The following ACSF3 variants were observed in gnomAD, a reference collection of about 807,000 sequenced individuals.
ACSF3 encodes the protein acyl-CoA synthetase family member 3.
Under a neutral mutation model 53.2 loss-of-function variants are expected in ACSF3, and 78 were observed. The observed-to-expected ratio is 1.47, with a 90% CI of 1.22 to 1.77. The LOEUF (loss-of-function observed/expected upper bound fraction) is 1.77, where lower values mean the gene tolerates loss of function less well. ACSF3 is among the 40% of genes most tolerant of loss of function. ACSF3 has a pLI of 0.00. For missense variants in ACSF3, 937 were observed against 771.1 expected (o/e 1.22, Z -2.55); for synonymous variants, 414 against 333.1 (o/e 1.24, Z -2.65).
intron 5 of ACSF3, 45 bp downstream of exon 5, chr16:89,112,291 T>G: frequency 6.2e-7 from 1 of 1,606,530 alleles, no homozygotes; most frequent in Non-Finnish European, 8.5e-7. Flanking sequence ...GTCTTAAAGA[T>G]CAACAGATAC....
intron 4 of ACSF3, among the ~76,000 whole-genome samples, chr16:89,111,883 T>C (rs1284544181): frequency 6.6e-6 from 1 of 152,222 alleles, no homozygotes; most frequent in Non-Finnish European, 1.5e-5. Context: ...TGTTCACGAT[T>C]GCTCTTCCCC....
intron 3 of ACSF3, chr16:89,102,328 G>A (rs1975441398): frequency 8.0e-6 from 4 of 497,670 alleles, no homozygotes; most frequent in South Asian, 4.0e-5. Context: ...CCTGGTGTCT[G>A]CAGAGCCACT....
chr16:89,119,104 G>T (rs927826329), intron 6 of ACSF3, among the ~76,000 whole-genome samples: 1 of 152,104 alleles, frequency 6.6e-6, no homozygotes, highest in Non-Finnish European at 1.5e-5. Flanking sequence ...AAGCTCTCAC[G>T]GGCGGCACCT....
chr16:89,093,895 G>T lies in ACSF3; in HGVS notation c.-295G>T, dbSNP rs774510978. ...TCCGGCCCGACTCACGACCCCGCGG[G>T]ACCCGGCCGGAACCCGGCCCGACCC... On this transcript the variant is annotated 5_prime_UTR_variant, in exon 1 of 11. Transcript: ENST00000614302. 6.1e-6 allele frequency: 2 copies of T among 325,208 alleles called. No homozygotes were observed. The highest frequency in any genetic ancestry group is 2.1e-5 in the South Asian group (1 of 47,112). The allele number at this position is 325,208 out of a possible 1,614,324, so 20.1% of individuals were successfully genotyped here.
intron 10 of ACSF3, chr16:89,153,845 C>A (rs999398531): frequency 1.8e-5 from 10 of 559,852 alleles, no homozygotes; most frequent in Non-Finnish European, 3.2e-5. Context: ...AAGGCCTGCA[C>A]GCACCATGGC....
chr16:89,121,088 G>A (rs1415013771), intron 7 of ACSF3, among the ~76,000 whole-genome samples, 175 bp downstream of exon 7: 2 of 152,232 alleles, frequency 1.3e-5, no homozygotes, highest in African/African-American at 4.8e-5. Context: ...GGTGTTCTGG[G>A]CCCTGCCTGC....
intron 8 of ACSF3, among the ~76,000 whole-genome samples, chr16:89,142,630 TACACCTGCAGGCACACCC>T (rs1170461689): frequency 2.5e-5 from 2 of 80,062 alleles, no homozygotes; most frequent in African/African-American, 1.0e-4. Flanking sequence ...TGCAGACACC[TACACCTGCAGGCACACCC>T]ACACCTGCAG....
chr16:89,098,648 G>A lies in ACSF3; in HGVS notation c.-136G>A, dbSNP rs749130601. ...GGCCTGGTGCCTGCCCCAGGAGGAT[G>A]AGCATTTGCATTGCCTGCACCTTAT... On this transcript the variant is annotated 5_prime_UTR_variant, in exon 2 of 11. It removes an upstream start codon present in the reference 5' UTR. Coordinates refer to ENST00000614302, the MANE Select transcript of ACSF3 (RefSeq NM_001243279.3). 7.0e-5 allele frequency: 32 copies of A among 454,018 alleles called. No homozygotes were observed. The highest frequency in any genetic ancestry group is 5.0e-4 in the South Asian group (32 of 64,486). 28.1% of individuals were successfully genotyped at this position (454,018 alleles called of 1,614,324 possible). A position where few individuals can be genotyped will look rare whatever the true frequency, so the allele number is the denominator to read the frequency against.
intron 4 of ACSF3, among the ~76,000 whole-genome samples, chr16:89,108,421 G>A (rs1367969504): frequency 6.6e-6 from 1 of 152,140 alleles, no homozygotes; most frequent in Non-Finnish European, 1.5e-5. Flanking sequence ...TTGTTTCACT[G>A]AAAATGTTTT....
chr16:89,117,257 G>T (rs1166802190), intron 6 of ACSF3, among the ~76,000 whole-genome samples: 1 of 152,120 alleles, frequency 6.6e-6, no homozygotes, highest in Non-Finnish European at 1.5e-5. Context: ...TGATCTTCTC[G>T]AAACAGCCCC....
At chr16:89,134,825 C>T (rs1910088963) in intron 8 of ACSF3, among the ~76,000 whole-genome samples, 1 of 152,230 alleles carries the variant, frequency 6.6e-6, no homozygotes, top group African/African-American at 2.4e-5. Context: ...GTCACCTTCC[C>T]AGCTAGGCTT....
intron 6 of ACSF3, among the ~76,000 whole-genome samples, chr16:89,119,283 G>A (rs1597979150): frequency 6.6e-6 from 1 of 152,120 alleles, no homozygotes; most frequent in East Asian, 1.9e-4. Context: ...CCGTGTCCTT[G>A]CGCTGCGTCC....
At chr16:89,110,857 G>T (rs117159183) in intron 4 of ACSF3, among the ~76,000 whole-genome samples, 4 of 152,078 alleles carry the variant, frequency 2.6e-5, no homozygotes, top group African/African-American at 9.7e-5. Flanking sequence ...GTGCTGCTCC[G>T]CGGTGCTGCT....
At chr16:89,141,057 C>T in intron 8 of ACSF3, 3 of 1,265,806 alleles carry the variant, frequency 2.4e-6, no homozygotes, top group Non-Finnish European at 1.0e-6. Context: ...GTTTGACTTG[C>T]ATTTCACAGT....
Position 89,102,671 on chromosome 16 carries a change from AC to A in ACSF3, c.736del (p.His246ThrfsTer20). On this transcript the variant is annotated frameshift_variant, in exon 4 of 11. Coordinates refer to ENST00000614302, the MANE Select transcript of ACSF3 (RefSeq NM_001243279.3). LOFTEE classifies it high-confidence loss of function. ...DDVILHVLPL[H>X]HVHGVVNALL... ...GTGATCCTCCACGTGCTCCCGCTGC[AC>A]CACGTCCATGGTGTGGTCAACGCGC... 1.2e-6 allele frequency: 2 copies of A among 1,613,488 alleles called. No individual in the cohort carries two copies. The highest frequency in any genetic ancestry group is 1.7e-6 in the Non-Finnish European group (2 of 1,180,008).
chr16:89,112,187 G>C lies in ACSF3; in HGVS notation c.918G>C (p.Arg306Ser). 1.2e-6 allele frequency: 2 copies of C among 1,614,204 alleles called. No homozygotes were observed. The highest frequency in any genetic ancestry group is 1.1e-5 in the South Asian group (1 of 91,086). ...IYTKLMEYYD[R>S]HFTQPHAQDF... ...CCAAGCTGATGGAGTACTACGACAG[G>C]CATTTTACCCAGCCGCACGCCCAGG... Residue 306 changes from arginine (R) to serine (S), a missense_variant, in exon 5 of 11, where the codon AGG becomes AGC. Physicochemically the swap from Arg to Ser is moderately radical, Grantham distance 110. Transcript: ENST00000614302.
chr16:89,137,329 A>G (rs1910759054), intron 8 of ACSF3, among the ~76,000 whole-genome samples: 1 of 148,448 alleles, frequency 6.7e-6, no homozygotes, highest in Admixed American at 6.7e-5. Context: ...GATTGAGGGG[A>G]AGAGCCCCGG....
At chr16:89,124,515 G>C (rs1199551435) in intron 7 of ACSF3, among the ~76,000 whole-genome samples, 1 of 151,316 alleles carries the variant, frequency 6.6e-6, no homozygotes, top group Non-Finnish European at 1.5e-5. Context: ...TGCACATGCT[G>C]CATGTATGTG....
At chr16:89,102,497 C>T (rs921778285) in intron 3 of ACSF3, 107 bp from the exon 4 acceptor site, 9 of 1,330,398 alleles carry the variant, frequency 6.8e-6, no homozygotes, top group Non-Finnish European at 9.6e-6. Context: ...CCTTCCCCTT[C>T]CTCAGTGGGG....
Sources: allele counts gnomAD v4.1 joint callset (sites outside exome capture counted in the v4.1 genomes callset), GRCh38; gene constraint gnomAD v4.1.1; transcripts MANE v1.5; gene names NCBI Gene and HGNC (gene_info 2026-07-23, HGNC 2026-07-21).